ACTL6A: variants seen among roughly 807,000 people sequenced by gnomAD.
ACTL6A encodes the protein actin like 6A.
In ACTL6A, 5 loss-of-function variants were observed where a neutral mutation model predicts 59.2. The observed-to-expected ratio is 0.08, with a 90% CI of 0.04 to 0.18. The LOEUF is 0.18. Among genes scored for constraint, ACTL6A ranks in the 10% least tolerant of loss-of-function variants. ACTL6A has a pLI of 1.00. For missense variants in ACTL6A, 285 were observed against 526.9 expected (o/e 0.54, Z 4.49); for synonymous variants, 154 against 171.8 (o/e 0.90, Z 0.81).
In ACTL6A at chr3:179,563,008, T is replaced by C; in HGVS notation, c.-85T>C. 1 of 1,552,070 alleles carries C rather than the reference T, an allele frequency of 6.4e-7. No homozygotes were observed. Among genetic ancestry groups the C allele is most frequent in the East Asian group, 2.3e-5 (1 of 43,206 alleles). The stretch of plus-strand genomic sequence containing the variant: ...GGTGGAAGTTAAGGGAGTCAGGGGC[T>C]ATCGCTCCTCGAGACTCGCAGTCGC... On this transcript the variant is annotated 5_prime_UTR_variant, in exon 1 of 14. Coordinates refer to ENST00000429709, the MANE Select transcript of ACTL6A (RefSeq NM_004301.5).
chr3:179,563,943 T>C (rs895461036), intron 1 of ACTL6A, among the ~76,000 whole-genome samples: 17 of 152,150 alleles, frequency 1.1e-4, no homozygotes, highest in African/African-American at 3.9e-4. Context: ...CTTGGGCAGT[T>C]TATGTAACTT....
rs1315374294 is a variant in ACTL6A, at chr3:179,588,279, A to G, written c.*269A>G. 1 of 325,616 alleles carries G rather than the reference A, an allele frequency of 3.1e-6. No homozygotes were observed. Among genetic ancestry groups the G allele is most frequent in the East Asian group, 6.2e-5 (1 of 16,024 alleles). 20.2% of individuals were successfully genotyped at this position (325,616 alleles called of 1,614,324 possible). A position where few individuals can be genotyped will look rare whatever the true frequency, so the allele number is the denominator to read the frequency against. Reference sequence around the variant, plus strand: ...TTTGCTTTCAGTAAAATGCTTTCCAACTCTGTTTAGTGTATTAATTACCAG... The same window carrying G: ...TTTGCTTTCAGTAAAATGCTTTCCAGCTCTGTTTAGTGTATTAATTACCAG... On this transcript the variant is annotated 3_prime_UTR_variant, in exon 14 of 14. Transcript: ENST00000429709.
intron 1 of ACTL6A, among the ~76,000 whole-genome samples, chr3:179,563,354 C>G (rs1376473373): frequency 6.6e-6 from 1 of 152,186 alleles, no homozygotes; most frequent in Non-Finnish European, 1.5e-5. Flanking sequence ...CCTCTGTCCC[C>G]GGAGGAGCAG....
At chr3:179,577,061 T>C in intron 8 of ACTL6A, 148 bp downstream of exon 8, 1 of 565,508 alleles carries the variant, frequency 1.8e-6, no homozygotes, top group Non-Finnish European at 3.1e-6. Context: ...TAAATACATT[T>C]TGAAGATTAA....
At chr3:179,584,318 T>C (rs564343530) in intron 12 of ACTL6A, 4 of 152,338 alleles carry the variant, frequency 2.6e-5, no homozygotes, top group African/African-American at 4.8e-5. Context: ...ATGACAGTTA[T>C]AATCTTTTAA....
At chr3:179,580,722 G>A (rs1352132850) in intron 9 of ACTL6A, 21 bp downstream of exon 9, 30 of 1,536,100 alleles carry the variant, frequency 2.0e-5, no homozygotes, top group Non-Finnish European at 2.5e-5. Flanking sequence ...TTATTAAAAT[G>A]TATACTTTAT....
rs528045479 is a variant in ACTL6A at position 179,579,413 on chromosome 3, A to G, written c.769-1227A>G. Among the ~76,000 whole-genome samples, 48 of 152,044 alleles carry G rather than the reference A, an allele frequency of 3.2e-4. No homozygotes were observed. In the South Asian group the frequency reaches 4.4e-3, roughly 14 times the overall value. ...GTCATAATTTACTATGAGAGGGATC[A>G]TATCTAACAGGTTTTTTAAAAATTA... On this transcript the variant is annotated intron_variant, in intron 8 of 13. Transcript: ENST00000429709.
intron 1 of ACTL6A, 67 bp from the exon 2 acceptor site, chr3:179,569,757 A>G (rs542265220): frequency 1.5e-6 from 2 of 1,356,950 alleles, no homozygotes; most frequent in Non-Finnish European, 2.1e-6. Flanking sequence ...TTGAGGCTGC[A>G]GTGAGCTGTG....
intron 11 of ACTL6A, among the ~76,000 whole-genome samples, chr3:179,582,479 A>T (rs1718365537): frequency 6.6e-6 from 1 of 152,210 alleles, no homozygotes; most frequent in Non-Finnish European, 1.5e-5. Context: ...AAAAGCTCCC[A>T]TGTGCTTCTG....
chr3:179,577,479 A>T (rs1405389035), intron 8 of ACTL6A, among the ~76,000 whole-genome samples: 3 of 145,962 alleles, frequency 2.1e-5, no homozygotes, highest in Non-Finnish European at 3.0e-5. Flanking sequence ...TTAATTTCTT[A>T]AAAAAAAAAC....
At chr3:179,571,361 G>A (rs1718000853) in intron 3 of ACTL6A, among the ~76,000 whole-genome samples, 1 of 150,914 alleles carries the variant, frequency 6.6e-6, no homozygotes, top group Non-Finnish European at 1.5e-5. Flanking sequence ...GGATGCAGAG[G>A]TTGCAGCTGA....
intron 1 of ACTL6A, among the ~76,000 whole-genome samples, chr3:179,567,620 C>T (rs1203928210): frequency 2.0e-5 from 3 of 152,286 alleles, no homozygotes; most frequent in South Asian, 4.1e-4. Context: ...ATTAGGATAT[C>T]TCTTTACCCA....
At chr3:179,573,678 G>A (rs1241377462) in intron 4 of ACTL6A, among the ~76,000 whole-genome samples, 3 of 151,992 alleles carry the variant, frequency 2.0e-5, no homozygotes, top group Non-Finnish European at 2.9e-5. Flanking sequence ...AATATCCAGA[G>A]AACAACAAAA....
chr3:179,565,864 T>C (rs1717819499), intron 1 of ACTL6A, among the ~76,000 whole-genome samples: 1 of 152,164 alleles, frequency 6.6e-6, no homozygotes, highest in Admixed American at 6.6e-5. Context: ...AGTTACAGTA[T>C]TGAAAGATCA....
chr3:179,570,045 G>A lies in ACTL6A; in HGVS notation c.103-22G>A. 6.2e-7 allele frequency: 1 copy of A among 1,607,172 alleles called. No individual in the cohort carries two copies. Among genetic ancestry groups the A allele is most frequent in the Non-Finnish European group, 8.5e-7 (1 of 1,176,430 alleles). On this transcript the variant is annotated intron_variant, in intron 2 of 13. Transcript: ENST00000429709. The surrounding 1 kb of genome is among the most constrained non-coding windows in gnomAD (Gnocchi z 4.3). ...TCTTGATGAAAGGTGAAACTTGTAT[G>A]TCATGTTTCTGACTCTTACAGGTGG...
In ACTL6A at chr3:179,580,890, T is replaced by G; in HGVS notation, c.831-4T>G. The G allele has an allele frequency of 6.3e-7, 1 of 1,584,446 alleles. No individual in the cohort carries two copies. The highest frequency in any genetic ancestry group is 1.2e-5 in the South Asian group (1 of 84,522). ...TTGTGTAATACGGTTTAATATGTTT[T>G]CAGAGTGGCTGCACAGATGCCAACT... is the stretch of plus-strand genomic sequence containing the variant. On this transcript the variant is annotated splice_region_variant and splice_polypyrimidine_tract_variant and intron_variant, in intron 9 of 13. Coordinates refer to ENST00000429709, the MANE Select transcript of ACTL6A (RefSeq NM_004301.5).
At chr3:179,578,675 A>G (rs1718242896) in intron 8 of ACTL6A, among the ~76,000 whole-genome samples, 1 of 152,236 alleles carries the variant, frequency 6.6e-6, no homozygotes, top group South Asian at 2.1e-4. Context: ...GAATTGCCAC[A>G]TGGCTTTCAA....
intron 12 of ACTL6A, among the ~76,000 whole-genome samples, chr3:179,585,654 ATACT>A (rs1161947881): frequency 2.0e-5 from 3 of 152,150 alleles, no homozygotes; most frequent in African/African-American, 7.2e-5. Flanking sequence ...TGCTGCACAC[ATACT>A]TATTTCACTT....
intron 5 of ACTL6A, 99 bp downstream of exon 5, chr3:179,574,566 C>T (rs897232508): frequency 1.2e-5 from 11 of 898,232 alleles, no homozygotes; most frequent in African/African-American, 8.4e-5. Flanking sequence ...TTGCTTGTTC[C>T]GAAGTTGTTT....
Sources: allele counts gnomAD v4.1 joint callset (sites outside exome capture counted in the v4.1 genomes callset), GRCh38; gene constraint gnomAD v4.1.1; non-coding constraint Gnocchi (gnomAD v3.1); transcripts MANE v1.5; gene names NCBI Gene and HGNC (gene_info 2026-07-23, HGNC 2026-07-21).